The following YLPM1 variants were observed in gnomAD, a reference collection of about 807,000 sequenced individuals.
YLPM1 encodes YLP motif containing 1.
YLPM1 carries 99 observed loss-of-function variants against 230.0 expected under a neutral mutation model. The observed-to-expected ratio is 0.43, with a 90% CI of 0.37 to 0.51. The LOEUF is 0.51. Ranked by LOEUF, YLPM1 falls within the 20% of genes least tolerant of loss-of-function variation. YLPM1 has a pLI of 0.00. For synonymous variants in YLPM1, 984 were observed against 942.5 expected (o/e 1.04, Z -0.81); for missense variants, 2,592 against 2,707.7 (o/e 0.96, Z 0.95).
rs778002515 is a variant in YLPM1, at chr14:74,812,677, A to C, written c.5397A>C (p.Ser1799=). 2.2e-5 allele frequency: 36 copies of C among 1,613,482 alleles called. No homozygotes were observed. The East Asian group carries it at 4.9e-4, about 22-fold the overall frequency. ...PEERMPLPAP[S]LSHQPPPAPR... ...AGCGAATGCCTCTGCCAGCTCCTTC[A>C]CTGAGCCACCAGCCTCCTCCAGCTC... Residue 1799 remains serine (S), a synonymous_variant, in exon 11 of 21, where the codon TCA becomes TCC. Transcript: ENST00000325680.
chr14:74,799,412 G>A lies in YLPM1; in HGVS notation c.4115G>A (p.Arg1372Lys). 3 of 1,614,008 alleles carry A rather than the reference G, an allele frequency of 1.9e-6. No individual in the cohort carries two copies. Among genetic ancestry groups the A allele is most frequent in the Non-Finnish European group, 2.5e-6 (3 of 1,179,888 alleles). Reference sequence around the variant, plus strand: ...GATTTCCGTGATAGGGGTGAGTTGAGGATTCGAGAGTATCCAGAAAGAGGA... The same window carrying A: ...GATTTCCGTGATAGGGGTGAGTTGAAGATTCGAGAGTATCCAGAAAGAGGA... ...DRDFRDRGEL[R>K]IREYPERGDT... Residue 1372 changes from arginine to lysine, a missense_variant, in exon 5 of 21, where the codon AGG becomes AAG. Coordinates refer to ENST00000325680, the MANE Select transcript of YLPM1 (RefSeq NM_019589.3).
chr14:74,781,278 A>G (rs914404851), intron 3 of YLPM1, 56 bp from the exon 4 acceptor site: 3 of 1,448,022 alleles, frequency 2.1e-6, no homozygotes, highest in South Asian at 1.5e-5. Flanking sequence ...ATTTTAACCT[A>G]TGATTAATTA....
intron 12 of YLPM1, 146 bp from the exon 13 acceptor site, chr14:74,816,425 T>C (rs1594839850): frequency 4.0e-6 from 5 of 1,247,758 alleles, no homozygotes; most frequent in African/African-American, 1.5e-5. Context: ...TATATATTTT[T>C]ATCTACTCAG....
chr14:74,830,923 G>A (rs2091604408), intron 19 of YLPM1, among the ~76,000 whole-genome samples: 1 of 152,056 alleles, frequency 6.6e-6, no homozygotes, highest in African/African-American at 2.4e-5. Flanking sequence ...AGATTTGAAG[G>A]GGACAAACAT....
At chr14:74,807,859 A>T (rs1459739422) in intron 6 of YLPM1, among the ~76,000 whole-genome samples, 2 of 152,172 alleles carry the variant, frequency 1.3e-5, no homozygotes, top group East Asian at 1.9e-4. Context: ...TGTGGAGGAG[A>T]TAGGTCTCTA....
chr14:74,814,461 A>G (rs1344318675), intron 11 of YLPM1, among the ~76,000 whole-genome samples: 1 of 152,228 alleles, frequency 6.6e-6, no homozygotes, highest in African/African-American at 2.4e-5. Context: ...GAATGTTTTT[A>G]TCATGAGAGG....
chr14:74,826,735 G>A (rs1054650078), intron 18 of YLPM1, among the ~76,000 whole-genome samples: 1 of 152,214 alleles, frequency 6.6e-6, no homozygotes, highest in Non-Finnish European at 1.5e-5. Flanking sequence ...GTTGAAGGCT[G>A]CCTGTGGCCC....
chr14:74,811,823 TTTAGAG>T, intron 10 of YLPM1, 85 bp downstream of exon 10: 1 of 972,286 alleles, frequency 1.0e-6, no homozygotes, highest in Non-Finnish European at 1.5e-6. Context: ...AATTTAAACT[TTTAGAG>T]TAAAACGTAT....
Position 74,812,901 on chromosome 14 carries a change from G to A in YLPM1, c.5502+119G>A, listed in dbSNP as rs192128826. 1.9e-5 allele frequency: 24 copies of A among 1,282,398 alleles called. No individual in the cohort carries two copies. In the African/African-American group the frequency reaches 2.6e-4, roughly 14 times the overall value. The allele number at this position is 1,282,398 out of a possible 1,614,324, so 79.4% of individuals were successfully genotyped here. On this transcript the variant is annotated intron_variant, in intron 11 of 20. Transcript: ENST00000325680. Reference sequence around the variant, plus strand: ...ATAGTAATAATATCAGATTCAAGACGTTTTACTATCTCTAAATCACCATAT... The same window carrying A: ...ATAGTAATAATATCAGATTCAAGACATTTTACTATCTCTAAATCACCATAT...
At chr14:74,812,853 G>A in intron 11 of YLPM1, 71 bp downstream of exon 11, 2 of 1,491,812 alleles carry the variant, frequency 1.3e-6, no homozygotes, top group African/African-American at 1.4e-5. Context: ...ATCCTGAAAA[G>A]AATTTCTTTA....
At chr14:74,768,230 T>C (rs1258428544) in intron 1 of YLPM1, among the ~76,000 whole-genome samples, 1 of 151,948 alleles carries the variant, frequency 6.6e-6, no homozygotes, top group African/African-American at 2.4e-5. Flanking sequence ...AAAGTGTTGA[T>C]GATTTAATGG....
chr14:74,824,603 T>G (rs2091548311), intron 18 of YLPM1, among the ~76,000 whole-genome samples: 1 of 152,088 alleles, frequency 6.6e-6, no homozygotes, highest in Non-Finnish European at 1.5e-5. Context: ...TAATCAGAAA[T>G]GTTGGTGCTG....
chr14:74,800,291 G>A (rs1158631041), intron 5 of YLPM1, among the ~76,000 whole-genome samples: 1 of 152,136 alleles, frequency 6.6e-6, no homozygotes, highest in Admixed American at 6.5e-5. Flanking sequence ...TTTGTGAAAT[G>A]GAAAATAGGA....
chr14:74,798,661 A>G lies in YLPM1; in HGVS notation c.3364A>G (p.Arg1122Gly). The change falls in exon 5 of 21, where the codon AGG (arginine) becomes GGG (glycine). Residue 1122 changes from arginine (R) to glycine (G), a missense_variant. Around this residue, in one of 4 missense-constraint regions of YLPM1, gnomAD observed 1,862 missense variants for 1,819.8 expected, o/e 1.02. Transcript: ENST00000325680. ...ACCTCGGAGGGCTGGCAGTCAGGAG[A>G]GGGGACCTCTTCGAAGGGCTGGGAG... ...GPPRRAGSQERGPLRRAGSRE... is the reference protein window; with the variant it reads ...GPPRRAGSQEGGPLRRAGSRE... 2 of 1,611,856 alleles carry G rather than the reference A, an allele frequency of 1.2e-6. No homozygotes were observed. Among genetic ancestry groups the G allele is most frequent in the Non-Finnish European group, 1.7e-6 (2 of 1,178,622 alleles).
At chr14:74,808,414 C>T (rs1202987159) in intron 6 of YLPM1, among the ~76,000 whole-genome samples, 3 of 152,054 alleles carry the variant, frequency 2.0e-5, no homozygotes, top group South Asian at 4.1e-4. Flanking sequence ...TTGAATAGTA[C>T]GGCTATGAAT....
chr14:74,793,374 A>G (rs1477283765), intron 4 of YLPM1, among the ~76,000 whole-genome samples: 2 of 152,080 alleles, frequency 1.3e-5, no homozygotes, highest in Non-Finnish European at 2.9e-5. Context: ...TTCCTGAGAT[A>G]CTTTAACTTC....
At chr14:74,794,764 T>TACACACAC (rs58830379) in intron 4 of YLPM1, among the ~76,000 whole-genome samples, 1 of 150,378 alleles carries the variant, frequency 6.6e-6, no homozygotes, top group African/African-American at 2.4e-5. Flanking sequence ...ATTTGGTTAA[T>TACACACAC]ACACACACAC....
At position 74,816,563 on chromosome 14, in the gene YLPM1, A is replaced by T. The variant is rs775819664; in HGVS notation, c.5566-8A>T. The T allele has an allele frequency of 6.2e-7, 1 of 1,609,680 alleles. No individual in the cohort carries two copies. On this transcript the variant is annotated splice_region_variant and splice_polypyrimidine_tract_variant and intron_variant, in intron 12 of 20. Coordinates refer to ENST00000325680, the MANE Select transcript of YLPM1 (RefSeq NM_019589.3). ...TCGTTTTAACCTTCTTGACTGTATG[A>T]TTCTTAGGATAAGGAGGTAGAATTT...
At chr14:74,773,500 T>C (rs1316731073) in intron 1 of YLPM1, among the ~76,000 whole-genome samples, 1 of 152,192 alleles carries the variant, frequency 6.6e-6, no homozygotes, top group Non-Finnish European at 1.5e-5. Flanking sequence ...AAAGATAGTT[T>C]GCATCTTTGT....
Sources: gnomAD v4.1 joint callset for allele counts (sites outside exome capture counted in the v4.1 genomes callset) on GRCh38, gnomAD v4.1.1 for gene constraint, gnomAD v4.1.1 regional missense constraint, MANE v1.5 for transcripts, NCBI Gene and HGNC (gene_info 2026-07-23, HGNC 2026-07-21) for gene names.